The following BCL2L13 variants were observed in gnomAD, a reference collection of about 807,000 sequenced individuals.
The protein encoded by BCL2L13 is BCL2 like 13.
In BCL2L13, 13 loss-of-function variants were observed where a neutral mutation model predicts 25.8. The observed-to-expected ratio is 0.50, with a 90% CI of 0.33 to 0.80. The LOEUF is 0.80. Among genes scored for constraint, BCL2L13 ranks in the 30% least tolerant of loss-of-function variants. BCL2L13 has a pLI of 0.02. For missense variants in BCL2L13, 504 were observed against 574.9 expected, an observed-to-expected ratio of 0.88 and a Z score of 1.26; for synonymous variants, 244 against 230.3, an observed-to-expected ratio of 1.06 and a Z score of -0.54.
Position 17,655,806 on chromosome 22 carries a change from A to G in BCL2L13, c.95A>G (p.Gln32Arg). 1 of 1,613,718 alleles carries G rather than the reference A, an allele frequency of 6.2e-7. No homozygotes were observed. Among genetic ancestry groups the G allele is most frequent in the Non-Finnish European group, 8.5e-7 (1 of 1,179,812 alleles). ...YLGLLSQEKL[Q>R]EQHLSSPQGV... Reference sequence around the variant, plus strand: ...GGACTCCTCTCTCAAGAGAAGCTGCAAGAGCAACATCTTTCCTCACCCCAA... The same window carrying G: ...GGACTCCTCTCTCAAGAGAAGCTGCGAGAGCAACATCTTTCCTCACCCCAA... The change falls in exon 2 of 7, where the codon CAA (glutamine) becomes CGA (arginine). Residue 32 changes from glutamine (Q) to arginine (R), a missense_variant. By Grantham distance (43) the Gln-to-Arg change is conservative. Coordinates refer to ENST00000317582, the MANE Select transcript of BCL2L13 (RefSeq NM_015367.4).
At chr22:17,674,067 G>A (rs1008812637) in intron 2 of BCL2L13, among the ~76,000 whole-genome samples, 1 of 152,146 alleles carries the variant, frequency 6.6e-6, no homozygotes, top group Non-Finnish European at 1.5e-5. Context: ...TGATAATAAA[G>A]TACAAAATCA....
chr22:17,640,213 C>T (rs1195243339), intron 1 of BCL2L13, among the ~76,000 whole-genome samples: 1 of 152,146 alleles, frequency 6.6e-6, no homozygotes, highest in Non-Finnish European at 1.5e-5. Flanking sequence ...ATTTTTAACA[C>T]CCTCTCTCCC....
chr22:17,656,861 C>G (rs1287259326), intron 2 of BCL2L13, among the ~76,000 whole-genome samples: 1 of 151,898 alleles, frequency 6.6e-6, no homozygotes, highest in Non-Finnish European at 1.5e-5. Context: ...CTCTGTTGCC[C>G]AGGCTGGAGT....
intron 2 of BCL2L13, among the ~76,000 whole-genome samples, chr22:17,666,200 ATTTTTAT>A (rs71201861): frequency 2.6e-4 from 39 of 150,278 alleles, no homozygotes; most frequent in Non-Finnish European, 4.4e-4. Context: ...TTTTAAATGT[ATTTTTAT>A]TTTTTATTTT....
exon 1 of BCL2L13, chr22:17,628,958 G>A (rs1401991969): frequency 9.2e-6 from 4 of 434,846 alleles, no homozygotes; most frequent in Admixed American, 3.5e-5. Context: ...AAGATAAGGA[G>A]TTCCTCTATC....
chr22:17,638,658 C>T (rs561853318), upstream of BCL2L13: 2 of 1,230,966 alleles, frequency 1.6e-6, no homozygotes, highest in African/African-American at 3.1e-5. Context: ...CCGGGGCCTC[C>T]GTTGGTCGGT....
chr22:17,650,093 C>T (rs2058631456), intron 1 of BCL2L13, among the ~76,000 whole-genome samples: 1 of 151,858 alleles, frequency 6.6e-6, no homozygotes, highest in Non-Finnish European at 1.5e-5. Flanking sequence ...TGGTCTCGAA[C>T]TCCTGACCTC....
At position 17,688,968 on chromosome 22, in the gene BCL2L13, CTTT is replaced by C; in HGVS notation, c.230-16_230-14del. ...ATATTGTTTATTATATTAGGTTTTT[CTTT>C]TGTCCTATCTTCAGCCTTCACCAGC... On this transcript the variant is annotated splice_polypyrimidine_tract_variant and intron_variant, in intron 3 of 6. Coordinates refer to ENST00000317582, the MANE Select transcript of BCL2L13 (RefSeq NM_015367.4). 1.2e-6 allele frequency: 2 copies of C among 1,602,474 alleles called. No homozygotes were observed. Among genetic ancestry groups the C allele is most frequent in the Non-Finnish European group, 1.7e-6 (2 of 1,176,362 alleles).
chr22:17,666,034 G>T (rs922879394), intron 2 of BCL2L13, among the ~76,000 whole-genome samples: 1 of 152,074 alleles, frequency 6.6e-6, no homozygotes, highest in Non-Finnish European at 1.5e-5. Flanking sequence ...GTTTTATAAG[G>T]AATTGCTAAA....
At chr22:17,649,755 G>T (rs931436952) in intron 1 of BCL2L13, among the ~76,000 whole-genome samples, 9 of 151,244 alleles carry the variant, frequency 6.0e-5, no homozygotes, top group African/African-American at 2.2e-4. Flanking sequence ...CACCCGCCTC[G>T]GCCTCCCAAA....
At chr22:17,685,747 A>ATTTTT (rs1269035775) in intron 3 of BCL2L13, among the ~76,000 whole-genome samples, 1 of 72,230 alleles carries the variant, frequency 1.4e-5, no homozygotes, top group African/African-American at 4.9e-5. Context: ...TTGCCCAATA[A>ATTTTT]TTTTTTCTTT....
chr22:17,685,029 C>T (rs2059881949), intron 3 of BCL2L13, among the ~76,000 whole-genome samples: 1 of 152,084 alleles, frequency 6.6e-6, no homozygotes, highest in Non-Finnish European at 1.5e-5. Context: ...GCCACCACGC[C>T]CGGCCTGTAA....
chr22:17,693,511 C>T (rs2060178122), intron 4 of BCL2L13, among the ~76,000 whole-genome samples: 1 of 151,186 alleles, frequency 6.6e-6, no homozygotes, highest in African/African-American at 2.4e-5. Context: ...TCCTGAGTAG[C>T]TGGGATTACA....
chr22:17,693,369 T>C (rs1329010197), intron 4 of BCL2L13, among the ~76,000 whole-genome samples: 3 of 83,950 alleles, frequency 3.6e-5, no homozygotes, highest in South Asian at 2.8e-4. Context: ...TTATTTAGTG[T>C]TTGTTTTTTT....
intron 6 of BCL2L13, chr22:17,706,872 C>G: frequency 2.3e-6 from 3 of 1,321,122 alleles, no homozygotes; most frequent in Non-Finnish European, 3.0e-6. Flanking sequence ...ATAAATACTT[C>G]TTGTGAAAGA....
At chr22:17,722,368 A>G (rs1467520884) in intron 6 of BCL2L13, among the ~76,000 whole-genome samples, 1 of 127,406 alleles carries the variant, frequency 7.8e-6, no homozygotes, top group Non-Finnish European at 1.7e-5. Flanking sequence ...TGAGTAGATG[A>G]GACTACAGGG....
intron 2 of BCL2L13, among the ~76,000 whole-genome samples, chr22:17,672,362 G>A (rs1482741694): frequency 2.0e-5 from 3 of 152,124 alleles, no homozygotes; most frequent in Non-Finnish European, 4.4e-5. Context: ...ATTCAACTTG[G>A]CTAAACTTGT....
upstream of BCL2L13, chr22:17,638,288 C>T (rs955933014): frequency 2.4e-5 from 4 of 168,118 alleles, no homozygotes; most frequent in East Asian, 4.9e-4. Context: ...GAGGACCTCT[C>T]TACACCACCC....
intron 4 of BCL2L13, among the ~76,000 whole-genome samples, chr22:17,690,110 G>T (rs538938387): frequency 1.3e-5 from 2 of 152,230 alleles, no homozygotes; most frequent in South Asian, 4.1e-4. Context: ...GGTATCACTG[G>T]AAGTCAGGAG....
Sources: gnomAD v4.1 joint callset for allele counts (sites outside exome capture counted in the v4.1 genomes callset) on GRCh38, gnomAD v4.1.1 for gene constraint, MANE v1.5 for transcripts, NCBI Gene and HGNC (gene_info 2026-07-23, HGNC 2026-07-21) for gene names.